MCPH1: variants seen among roughly 807,000 people sequenced by gnomAD.
MCPH1 encodes microcephalin.
A neutral mutation model predicts 84.5 loss-of-function variants in MCPH1; 104 were observed. The observed-to-expected ratio is 1.23, with a 90% CI of 1.05 to 1.45. The LOEUF is 1.45. MCPH1 is among the 40% of genes most tolerant of loss of function. MCPH1 has a pLI of 0.00. For missense variants in MCPH1, 1,498 were observed against 1,005.7 expected (o/e 1.49, Z -6.62); for synonymous variants, 514 against 366.8 (o/e 1.40, Z -4.58).
At chr8:6,627,894 AAT>A (rs1205523718) in intron 13 of MCPH1, among the ~76,000 whole-genome samples, 4 of 150,248 alleles carry the variant, frequency 2.7e-5, no homozygotes, top group South Asian at 4.2e-4. Flanking sequence ...CCTGTCTAAA[AAT>A]ATATATGTGT....
At chr8:6,426,143 C>T (rs938209780) in intron 3 of MCPH1, among the ~76,000 whole-genome samples, 1 of 152,188 alleles carries the variant, frequency 6.6e-6, no homozygotes, top group Admixed American at 6.5e-5. Context: ...CAGCATTCTG[C>T]TCACCCCATT....
chr8:6,447,875 A>T (rs1487023855), intron 8 of MCPH1, among the ~76,000 whole-genome samples: 1 of 152,142 alleles, frequency 6.6e-6, no homozygotes, highest in African/African-American at 2.4e-5. Context: ...AAAATCTTTA[A>T]AATCATTAAT....
intron 12 of MCPH1, chr8:6,532,627 G>A: frequency 1.5e-6 from 1 of 667,630 alleles, no homozygotes; most frequent in Non-Finnish European, 2.2e-6. Flanking sequence ...CTTCCTTTTG[G>A]AATCTTACTA....
intron 8 of MCPH1, among the ~76,000 whole-genome samples, chr8:6,447,668 G>A (rs567535421): frequency 2.0e-5 from 3 of 152,072 alleles, no homozygotes; most frequent in African/African-American, 2.4e-5. Context: ...CTCTGCCTCA[G>A]CCTCCCGAGT....
chr8:6,478,789 A>G (rs1435197356), intron 10 of MCPH1, among the ~76,000 whole-genome samples: 1 of 151,896 alleles, frequency 6.6e-6, no homozygotes, highest in African/African-American at 2.4e-5. Flanking sequence ...AAGTTTAATT[A>G]TTTTTCTTGA....
rs1798294840 is a variant in MCPH1 at position 6,647,962 on chromosome 8, C to T, written c.*4913C>T. The T allele has an allele frequency of 6.6e-6, 1 of 152,280 alleles. No individual in the cohort carries two copies. Among genetic ancestry groups the T allele is most frequent in the African/African-American group, 2.4e-5 (1 of 41,562 alleles). 9.4% of individuals were successfully genotyped at this position (152,280 alleles called of 1,614,324 possible). On this transcript the variant is annotated 3_prime_UTR_variant, in exon 14 of 14. Transcript: ENST00000344683. ...GAGAGAGAGAACGAGAGCTACATGG[C>T]AGCCCCAGGGCAATAGCTCTCAGAT...
intron 13 of MCPH1, among the ~76,000 whole-genome samples, chr8:6,630,321 G>C (rs538789539): frequency 5.8e-4 from 89 of 152,298 alleles, no homozygotes; most frequent in African/African-American, 2.0e-3. Context: ...TGTCACTGCA[G>C]TTATCGTAAG....
chr8:6,531,608 A>G (rs1314177188), intron 12 of MCPH1, among the ~76,000 whole-genome samples: 2 of 152,088 alleles, frequency 1.3e-5, no homozygotes, highest in Non-Finnish European at 2.9e-5. Context: ...TGACTATTTC[A>G]GTCTTCTTTC....
At chr8:6,412,008 C>T (rs141628131) in intron 2 of MCPH1, among the ~76,000 whole-genome samples, 62 of 152,220 alleles carry the variant, frequency 4.1e-4, no homozygotes, top group African/African-American at 1.4e-3. Context: ...TAATCGAAGG[C>T]AGGGCTAGGT....
At chr8:6,622,660 G>A (rs575507597) in intron 13 of MCPH1, among the ~76,000 whole-genome samples, 1 of 152,182 alleles carries the variant, frequency 6.6e-6, no homozygotes, top group African/African-American at 2.4e-5. Flanking sequence ...TATCGGCAGC[G>A]TTGGTTTCCC....
In MCPH1 at chr8:6,412,886, C is replaced by T. The variant is rs117974559; in HGVS notation, c.115-1879C>T. 1.3e-3 allele frequency among the ~76,000 whole-genome samples: 199 copies of T among 152,286 alleles called. 5 individuals are homozygous for T. The East Asian group carries it at 0.032, about 24-fold the overall frequency. ...GTTTAAAAAGACTAACGGGCAGTGC[C>T]ATGAAATTCACAATGAAAAGAAAGA... On this transcript the variant is annotated intron_variant, in intron 2 of 13. Coordinates refer to ENST00000344683, the MANE Select transcript of MCPH1 (RefSeq NM_024596.5).
intron 9 of MCPH1, among the ~76,000 whole-genome samples, chr8:6,458,541 G>A (rs1805944690): frequency 6.6e-6 from 1 of 151,840 alleles, no homozygotes. Context: ...TGTTTTAGGA[G>A]CGCAAATTTG....
intron 3 of MCPH1, among the ~76,000 whole-genome samples, chr8:6,428,916 C>G (rs78442863): frequency 4.3e-4 from 7 of 16,446 alleles, no homozygotes; most frequent in African/African-American, 5.5e-4. Context: ...CTCCATATTT[C>G]TAAATACTGT....
intron 9 of MCPH1, among the ~76,000 whole-genome samples, chr8:6,471,799 G>A (rs947537818): frequency 2.0e-5 from 3 of 152,192 alleles, no homozygotes; most frequent in Non-Finnish European, 2.9e-5. Flanking sequence ...TCTTCTCCAC[G>A]GGGCTCTAAC....
rs1417989283 is a variant in MCPH1 at position 6,621,390 on chromosome 8, T to G, written c.2215-64T>G. The G allele has an allele frequency of 9.4e-6, 15 of 1,591,752 alleles. No homozygotes were observed. The East Asian group carries it at 3.1e-4, about 33-fold the overall frequency. Reference sequence around the variant, plus strand: ...AAAAAAGGAAGTAAACTGCAACAGTTCGCCTACGCTATGGAGACTGGAGTG... The same window carrying G: ...AAAAAAGGAAGTAAACTGCAACAGTGCGCCTACGCTATGGAGACTGGAGTG... On this transcript the variant is annotated intron_variant, in intron 12 of 13. Transcript: ENST00000344683.
chr8:6,500,192 A>C, intron 12 of MCPH1: 2 of 458,746 alleles, frequency 4.4e-6, no homozygotes, highest in Non-Finnish European at 8.0e-6. Context: ...AGAAAAACAA[A>C]AATGAAAAAA....
At chr8:6,554,914 A>G (rs1256013749) in intron 12 of MCPH1, among the ~76,000 whole-genome samples, 1 of 152,188 alleles carries the variant, frequency 6.6e-6, no homozygotes, top group Middle Eastern at 3.2e-3. Context: ...GCAAGGAAGG[A>G]TTAGGACAGA....
intron 3 of MCPH1, among the ~76,000 whole-genome samples, chr8:6,415,185 T>A (rs1799091369): frequency 6.6e-6 from 1 of 152,160 alleles, no homozygotes; most frequent in East Asian, 1.9e-4. Context: ...CAGCAAGCGC[T>A]GCTGTAACAA....
intron 13 of MCPH1, 119 bp from the exon 14 acceptor site, chr8:6,642,875 A>G: frequency 1.1e-6 from 1 of 927,988 alleles, no homozygotes; most frequent in Non-Finnish European, 1.7e-6. Context: ...GGGCCTATGG[A>G]CAACACAGCT....
Sources: gnomAD v4.1 joint callset for allele counts (sites outside exome capture counted in the v4.1 genomes callset) on GRCh38, gnomAD v4.1.1 for gene constraint, MANE v1.5 for transcripts, NCBI Gene and HGNC (gene_info 2026-07-23, HGNC 2026-07-21) for gene names.